MAPK10: variants seen among roughly 807,000 people sequenced by gnomAD.
MAPK10 encodes mitogen-activated protein kinase 10.
In MAPK10, 25 loss-of-function variants were observed where a neutral mutation model predicts 59.3. The observed-to-expected ratio is 0.42, with a 90% CI of 0.31 to 0.59. MAPK10 has a LOEUF of 0.59. Ranked by LOEUF, MAPK10 falls within the 20% of genes least tolerant of loss-of-function variation. MAPK10 has a pLI of 0.15. For synonymous variants in MAPK10, 190 were observed against 200.5 expected (o/e 0.95, Z 0.44); for missense variants, 351 against 568.9 (o/e 0.62, Z 3.90).
chr4:86,041,966 G>A (rs1331522696), intron 11 of MAPK10, among the ~76,000 whole-genome samples: 1 of 152,164 alleles, frequency 6.6e-6, no homozygotes, highest in Non-Finnish European at 1.5e-5. Context: ...CCATTACTGG[G>A]TATATATCCG....
intron 9 of MAPK10, among the ~76,000 whole-genome samples, chr4:86,096,909 C>CTT (rs1270030966): frequency 2.0e-5 from 3 of 151,834 alleles, no homozygotes; most frequent in Non-Finnish European, 4.4e-5. Flanking sequence ...GATTCAAGAC[C>CTT]TTAAGATTGG....
At chr4:86,496,613 G>A (rs938535174) in intron 1 of MAPK10, among the ~76,000 whole-genome samples, 1 of 152,114 alleles carries the variant, frequency 6.6e-6, no homozygotes, top group African/African-American at 2.4e-5. Context: ...CTATGTCATG[G>A]TGACTAGGTT....
intron 2 of MAPK10, among the ~76,000 whole-genome samples, chr4:86,349,614 T>C (rs1269949055): frequency 6.6e-6 from 1 of 152,158 alleles, no homozygotes; most frequent in African/African-American, 2.4e-5. Context: ...CCAAGAATGA[T>C]TGAATGCTGG....
intron 4 of MAPK10, among the ~76,000 whole-genome samples, chr4:86,122,075 C>T (rs1197092451): frequency 3.3e-5 from 5 of 151,780 alleles, no homozygotes; most frequent in Admixed American, 2.0e-4. Flanking sequence ...GCATTATTAA[C>T]TGAGAAAAAT....
At chr4:86,498,549 T>G (rs1182945538) in intron 1 of MAPK10, among the ~76,000 whole-genome samples, 1 of 152,184 alleles carries the variant, frequency 6.6e-6, no homozygotes, top group Admixed American at 6.5e-5. Flanking sequence ...CAAAGGAGAC[T>G]AGGATCATTA....
chr4:86,085,558 C>T (rs1482452514), intron 9 of MAPK10, among the ~76,000 whole-genome samples: 1 of 152,112 alleles, frequency 6.6e-6, no homozygotes, highest in Non-Finnish European at 1.5e-5. Flanking sequence ...TATCATCTCA[C>T]CCCGGTTAAA....
chr4:86,556,871 A>T (rs1301338410), intron 1 of MAPK10, among the ~76,000 whole-genome samples: 1 of 152,110 alleles, frequency 6.6e-6, no homozygotes. Context: ...GCAAGAAAAC[A>T]GGTTCTAAGA....
At chr4:86,335,496 T>G (rs1483439779) in intron 2 of MAPK10, among the ~76,000 whole-genome samples, 1 of 152,190 alleles carries the variant, frequency 6.6e-6, no homozygotes, top group African/African-American at 2.4e-5. Context: ...TTTTTAAATA[T>G]TTTTGCTTTT....
At chr4:86,257,007 A>G (rs1184089321) in intron 2 of MAPK10, among the ~76,000 whole-genome samples, 1 of 151,966 alleles carries the variant, frequency 6.6e-6, no homozygotes, top group Non-Finnish European at 1.5e-5. Context: ...GCCTCGGCCT[A>G]TACTCCATTT....
chr4:86,028,022 T>C (rs1298049874), intron 13 of MAPK10: 1 of 152,254 alleles, frequency 6.6e-6, no homozygotes, highest in East Asian at 1.9e-4. Context: ...CTGTTATTTC[T>C]GCTGCTTAAT....
At chr4:86,023,812 A>AATATATATATAT (rs368982706) in intron 13 of MAPK10, 1,769 of 100,166 alleles carry the variant, frequency 0.018, 25 homozygotes, top group Non-Finnish European at 0.021. Context: ...AGATCAAATG[A>AATATATATATAT]ATATATATAT....
At chr4:86,074,739 T>C (rs1388935544) in intron 9 of MAPK10, among the ~76,000 whole-genome samples, 1 of 141,690 alleles carries the variant, frequency 7.1e-6, no homozygotes, top group East Asian at 2.0e-4. Context: ...TCTTCTGGCT[T>C]GTAGGGTTTC....
chr4:86,149,907 C>A (rs1354724285), intron 4 of MAPK10, among the ~76,000 whole-genome samples: 1 of 152,034 alleles, frequency 6.6e-6, no homozygotes, highest in Non-Finnish European at 1.5e-5. Context: ...CCAAACGAGC[C>A]CCAGATTTTT....
At chr4:86,520,005 C>T (rs1394102384) in intron 1 of MAPK10, among the ~76,000 whole-genome samples, 1 of 152,130 alleles carries the variant, frequency 6.6e-6, no homozygotes, top group African/African-American at 2.4e-5. Context: ...GACAGGTTTT[C>T]CTTTATAAGT....
intron 3 of MAPK10, among the ~76,000 whole-genome samples, chr4:86,180,922 G>C (rs184285699): frequency 1.3e-5 from 2 of 151,882 alleles, no homozygotes; most frequent in African/African-American, 4.8e-5. Context: ...AATAAAATAC[G>C]GTGTTCTACA....
chr4:86,507,113 A>G (rs1755799133), intron 1 of MAPK10, among the ~76,000 whole-genome samples: 1 of 152,178 alleles, frequency 6.6e-6, no homozygotes, highest in Non-Finnish European at 1.5e-5. Flanking sequence ...ATAACAAATT[A>G]TCATACTGAA....
At chr4:86,242,750 C>T (rs1006900805) in intron 2 of MAPK10, among the ~76,000 whole-genome samples, 1 of 152,180 alleles carries the variant, frequency 6.6e-6, no homozygotes, top group Admixed American at 6.5e-5. Flanking sequence ...CTGCTCTTCC[C>T]CTGCCCAGAG....
intron 1 of MAPK10, among the ~76,000 whole-genome samples, chr4:86,463,388 C>A (rs2149062349): frequency 6.6e-6 from 1 of 152,298 alleles, no homozygotes; most frequent in East Asian, 1.9e-4. Context: ...TTAAACAGTT[C>A]AACAATTTGC....
intron 1 of MAPK10, among the ~76,000 whole-genome samples, chr4:86,391,088 A>G (rs2149008796): frequency 6.6e-6 from 1 of 152,364 alleles, no homozygotes; most frequent in East Asian, 1.9e-4. Context: ...TCAGATATGA[A>G]AGCTACACAA....
Sources: gnomAD v4.1 joint callset for allele counts (sites outside exome capture counted in the v4.1 genomes callset) on GRCh38, gnomAD v4.1.1 for gene constraint, MANE v1.5 for transcripts, NCBI Gene and HGNC (gene_info 2026-07-23, HGNC 2026-07-21) for gene names.